The following GRM5 variants were observed in gnomAD, a reference collection of about 807,000 sequenced individuals.
GRM5 encodes metabotropic glutamate receptor 5.
In GRM5, 19 loss-of-function variants were observed where a neutral mutation model predicts 83.1. That is an observed-to-expected ratio of 0.23 (90% CI 0.16 to 0.34). The LOEUF is 0.34. Ranked by LOEUF, GRM5 falls within the 10% of genes least tolerant of loss-of-function variation. GRM5 has a pLI of 1.00. For missense variants in GRM5, 1,160 were observed against 1,588.3 expected (o/e 0.73, Z 4.58); for synonymous variants, 675 against 633.6 (o/e 1.07, Z -0.98).
At chr11:88,937,581 A>T (rs1463695661) in intron 2 of GRM5, among the ~76,000 whole-genome samples, 1 of 151,766 alleles carries the variant, frequency 6.6e-6, no homozygotes, top group African/African-American at 2.4e-5. Flanking sequence ...CACAAAATAC[A>T]GTCTTTTAAC....
rs187778370 is a variant in GRM5 at position 88,535,179 on chromosome 11, T to C, written c.2631-9775A>G. Among the ~76,000 whole-genome samples the C allele has an allele frequency of 1.6e-4, 24 of 152,338 alleles. No homozygotes were observed. The East Asian group carries it at 4.4e-3, about 28-fold the overall frequency. ...TTTGCCTTTCCTTTGCATTGTCACA[T>C]TCTTCTTAACAAGCCATCCCATCCT... On this transcript the variant is annotated intron_variant, in intron 8 of 9. Transcript: ENST00000305447.
intron 3 of GRM5, among the ~76,000 whole-genome samples, chr11:88,671,325 A>T (rs1253513214): frequency 6.6e-6 from 1 of 152,038 alleles, no homozygotes; most frequent in Non-Finnish European, 1.5e-5. Context: ...AAGTTTGCTT[A>T]CCCTAAAACC....
chr11:88,821,364 A>AAAAAC (rs1943790272), intron 3 of GRM5, among the ~76,000 whole-genome samples: 4 of 140,990 alleles, frequency 2.8e-5, no homozygotes, highest in East Asian at 2.1e-4. Context: ...AAAAAAAAAG[A>AAAAAC]AAAAAGAAAA....
intron 2 of GRM5, among the ~76,000 whole-genome samples, chr11:88,963,596 T>C (rs1938850654): frequency 6.6e-6 from 1 of 152,218 alleles, no homozygotes; most frequent in Non-Finnish European, 1.5e-5. Flanking sequence ...AATTATAGGA[T>C]GGAAAAATTC....
chr11:88,561,026 A>T (rs2135161920), intron 8 of GRM5, among the ~76,000 whole-genome samples: 1 of 152,270 alleles, frequency 6.6e-6, no homozygotes, highest in African/African-American at 2.4e-5. Flanking sequence ...GATGAGTAGG[A>T]TCTGGAGAGA....
intron 2 of GRM5, chr11:88,984,910 C>G: frequency 1.6e-6 from 1 of 628,746 alleles, no homozygotes; most frequent in Non-Finnish European, 2.9e-6. Flanking sequence ...ATGTTGTTAT[C>G]AATGATATTT....
At chr11:88,766,900 C>A (rs551625616) in intron 3 of GRM5, among the ~76,000 whole-genome samples, 1 of 152,060 alleles carries the variant, frequency 6.6e-6, no homozygotes, top group African/African-American at 2.4e-5. Flanking sequence ...AGGATGTGAA[C>A]AGATATTTTT....
intron 2 of GRM5, among the ~76,000 whole-genome samples, chr11:88,994,714 T>C (rs1380152123): frequency 6.6e-6 from 1 of 151,718 alleles, no homozygotes; most frequent in Non-Finnish European, 1.5e-5. Flanking sequence ...GAAAGTTCTT[T>C]TTGTTTTGTT....
intron 4 of GRM5, among the ~76,000 whole-genome samples, chr11:88,625,462 G>T (rs892825247): frequency 1.4e-4 from 22 of 152,080 alleles, no homozygotes; most frequent in African/African-American, 5.1e-4. Flanking sequence ...CCTTAGAAAA[G>T]AAGTATTTGG....
intron 3 of GRM5, among the ~76,000 whole-genome samples, chr11:88,713,374 A>G (rs72962528): frequency 0.048 from 7,253 of 152,072 alleles, 171 homozygotes; most frequent in Middle Eastern, 0.075. Flanking sequence ...ATGGATAATT[A>G]TATCTACCAC....
At chr11:88,966,707 A>G (rs1938977030) in intron 2 of GRM5, among the ~76,000 whole-genome samples, 1 of 152,172 alleles carries the variant, frequency 6.6e-6, no homozygotes, top group Admixed American at 6.5e-5. Context: ...CATAACCTCA[A>G]GTTCATGGAC....
chr11:88,754,280 C>G (rs899950479), intron 3 of GRM5, among the ~76,000 whole-genome samples: 1 of 151,914 alleles, frequency 6.6e-6, no homozygotes, highest in African/African-American at 2.4e-5. Flanking sequence ...TGGGTCCTGT[C>G]AGGGAATGCT....
At chr11:89,029,664 G>A (rs1565342641) in intron 2 of GRM5, among the ~76,000 whole-genome samples, 1 of 152,126 alleles carries the variant, frequency 6.6e-6, no homozygotes, top group Non-Finnish European at 1.5e-5. Context: ...TATTCCAGAT[G>A]CATCCCTAAT....
chr11:88,636,675 A>T (rs769218193), intron 4 of GRM5, among the ~76,000 whole-genome samples: 1 of 152,370 alleles, frequency 6.6e-6, no homozygotes, highest in Non-Finnish European at 1.5e-5. Flanking sequence ...TTCAAGATAA[A>T]CACCACTTGG....
intron 2 of GRM5, among the ~76,000 whole-genome samples, chr11:89,036,673 TGCCCCAAA>T (rs1941393323): frequency 4.9e-5 from 2 of 40,692 alleles, no homozygotes; most frequent in Non-Finnish European, 9.8e-5. Context: ...TACTCAAATT[TGCCCCAAA>T]GTCCCTCAAC....
chr11:89,012,930 T>C (rs1170405065), intron 2 of GRM5, among the ~76,000 whole-genome samples: 1 of 152,232 alleles, frequency 6.6e-6, no homozygotes, highest in East Asian at 1.9e-4. Context: ...AGAGAATTTC[T>C]AGTTTGCATA....
At chr11:88,943,984 T>C (rs1464471416) in intron 2 of GRM5, among the ~76,000 whole-genome samples, 3 of 151,996 alleles carry the variant, frequency 2.0e-5, no homozygotes, top group South Asian at 2.1e-4. Flanking sequence ...ATAGTAAACA[T>C]GAATAATCAG....
intron 3 of GRM5, among the ~76,000 whole-genome samples, chr11:88,817,561 C>T (rs1943714306): frequency 6.6e-6 from 1 of 151,960 alleles, no homozygotes; most frequent in South Asian, 2.1e-4. Flanking sequence ...TATAAAAATA[C>T]CATCAACTAG....
chr11:88,922,894 A>G lies in GRM5; in HGVS notation c.662-72739T>C, dbSNP rs1238967523. ...CAACTCAATGGTAAAAAATCTGATA[A>G]TCCAGTTTAAAATGGGCAAAATATC... On this transcript the variant is annotated intron_variant, in intron 2 of 9. Coordinates refer to ENST00000305447, the MANE Select transcript of GRM5 (RefSeq NM_001143831.3). 1.3e-5 allele frequency among the ~76,000 whole-genome samples: 2 copies of G among 152,164 alleles called. 1 individual carries two copies. The highest frequency in any genetic ancestry group is 1.3e-4 in the Admixed American group (2 of 15,266).
Sources: gnomAD v4.1 joint callset for allele counts (sites outside exome capture counted in the v4.1 genomes callset) on GRCh38, gnomAD v4.1.1 for gene constraint, MANE v1.5 for transcripts, NCBI Gene and HGNC (gene_info 2026-07-23, HGNC 2026-07-21) for gene names.